Variants in GRIA2 observed in about 807,000 individuals in gnomAD.
The protein encoded by GRIA2 is glutamate ionotropic receptor AMPA type subunit 2, also known as glutamate receptor 2.
In GRIA2, 14 loss-of-function variants were observed where a neutral mutation model predicts 97.3. The ratio of observed to expected loss-of-function variants is 0.14; its 90% confidence interval spans 0.10 to 0.23. GRIA2 has a LOEUF of 0.23. Ranked by LOEUF, GRIA2 falls within the 10% of genes least tolerant of loss-of-function variation. The pLI is 1.00. For missense variants in GRIA2, 558 were observed against 1,069.8 expected, an observed-to-expected ratio of 0.52 and a Z score of 6.67; for synonymous variants, 412 against 387.8, an observed-to-expected ratio of 1.06 and a Z score of -0.73.
Position 157,312,689 on chromosome 4 carries a change from A to G in GRIA2, c.480A>G (p.Thr160=), listed in dbSNP as rs758377860. 6.3e-7 allele frequency: 1 copy of G among 1,596,912 alleles called. No homozygotes were observed. Among genetic ancestry groups the G allele is most frequent in the Non-Finnish European group, 8.5e-7 (1 of 1,170,050 alleles). Residue 160 remains threonine, a synonymous_variant, in exon 4 of 16, where the codon ACA becomes ACG. Transcript: ENST00000264426. ...TCTTTGCCTTCCTAGGCTTATCAAC[A>G]CTGCAAGCTGTGCTGGATTCTGCTG... The part of the protein sequence containing the change: ...YLYDSDRGLS[T]LQAVLDSAAE...
chr4:157,342,368 T>C, intron 12 of GRIA2: 1 of 985,176 alleles, frequency 1.0e-6, no homozygotes, highest in Non-Finnish European at 1.2e-6. Context: ...CAGCTGAAGA[T>C]ACTATGGGAG....
chr4:157,271,051 T>G (rs1000730217), intron 2 of GRIA2, among the ~76,000 whole-genome samples: 1 of 151,978 alleles, frequency 6.6e-6, no homozygotes, highest in Non-Finnish European at 1.5e-5. Context: ...ACTAACCATA[T>G]TAGAATATAG....
chr4:157,223,757 A>T (rs1400083282), intron 2 of GRIA2, among the ~76,000 whole-genome samples: 2 of 152,206 alleles, frequency 1.3e-5, no homozygotes, highest in Non-Finnish European at 2.9e-5. Flanking sequence ...TACTTTTTGA[A>T]AACAGTCAAT....
Position 157,365,953 on chromosome 4 carries a change from T to G in GRIA2, c.*2522T>G, listed in dbSNP as rs185755042. On this transcript the variant is annotated 3_prime_UTR_variant, in exon 16 of 16. Transcript: ENST00000264426. ...TATTGAAGATATTGGAATTTCCAAT[T>G]TTTCATGTGTACTATGTCAGAAAAT... 2.0e-5 allele frequency: 3 copies of G among 151,736 alleles called. No homozygotes were observed. Among genetic ancestry groups the G allele is most frequent in the African/African-American group, 7.2e-5 (3 of 41,498 alleles). 9.4% of individuals were successfully genotyped at this position (151,736 alleles called of 1,614,324 possible).
chr4:157,361,483 A>G lies in GRIA2; in HGVS notation c.2406+359A>G, dbSNP rs1046940002. ...AAAGCTCTTGAATCAGTATTATGTAATGAATAACATAAAATAACATTGATA... is the reference window on the plus strand; with the variant it reads ...AAAGCTCTTGAATCAGTATTATGTAGTGAATAACATAAAATAACATTGATA... On this transcript the variant is annotated intron_variant, in intron 14 of 15. Transcript: ENST00000264426. This position sits in a 1 kb window ranked among gnomAD's most constrained non-coding sequence, Gnocchi z 5.2. 1 of 1,270,060 alleles carries G rather than the reference A, an allele frequency of 7.9e-7. No homozygotes were observed. Among genetic ancestry groups the G allele is most frequent in the Non-Finnish European group, 1.1e-6 (1 of 873,062 alleles). The allele number at this position is 1,270,060 out of a possible 1,614,324, so 78.7% of individuals were successfully genotyped here.
intron 12 of GRIA2, chr4:157,342,497 A>G (rs1174853751): frequency 1.0e-6 from 1 of 974,618 alleles, no homozygotes; most frequent in Non-Finnish European, 1.2e-6. Context: ...AAGTGCAAAA[A>G]TGTGGACCAT....
intron 2 of GRIA2, among the ~76,000 whole-genome samples, chr4:157,269,617 T>C (rs1284187167): frequency 6.6e-6 from 1 of 152,046 alleles, no homozygotes; most frequent in African/African-American, 2.4e-5. Context: ...ACATGAGCTT[T>C]CAACTGATAT....
At chr4:157,245,531 C>T (rs1282788650) in intron 2 of GRIA2, among the ~76,000 whole-genome samples, 2 of 151,812 alleles carry the variant, frequency 1.3e-5, no homozygotes, top group East Asian at 3.9e-4. Context: ...AATCTAATAA[C>T]TTTGGAAAAA....
intron 2 of GRIA2, among the ~76,000 whole-genome samples, chr4:157,223,463 T>G (rs1729599354): frequency 6.6e-6 from 1 of 152,166 alleles, no homozygotes; most frequent in African/African-American, 2.4e-5. Flanking sequence ...ATAGAATATC[T>G]CAGAAAATTT....
intron 2 of GRIA2, 123 bp from the exon 3 acceptor site, chr4:157,303,429 C>A (rs1176404991): frequency 4.0e-6 from 3 of 746,302 alleles, no homozygotes; most frequent in Non-Finnish European, 6.6e-6. Flanking sequence ...ATCATTAAAT[C>A]TATATTTCTT....
At chr4:157,360,813 T>G in intron 13 of GRIA2, 197 bp from the exon 14 acceptor site, 1 of 652,848 alleles carries the variant, frequency 1.5e-6, no homozygotes, top group East Asian at 3.0e-5. Flanking sequence ...ATTTTCTTTT[T>G]GTTATGCTCT....
chr4:157,261,135 G>A (rs546719600), intron 2 of GRIA2, among the ~76,000 whole-genome samples: 16 of 152,174 alleles, frequency 1.1e-4, no homozygotes, highest in Middle Eastern at 3.4e-3. Flanking sequence ...GGCTGGGGAG[G>A]CCTCACAATC....
At chr4:157,331,343 A>C (rs945472152) in intron 6 of GRIA2, among the ~76,000 whole-genome samples, 1 of 151,946 alleles carries the variant, frequency 6.6e-6, no homozygotes, top group Non-Finnish European at 1.5e-5. Flanking sequence ...AGACGGCTTT[A>C]TAGCTTTCCC....
chr4:157,266,592 G>T (rs1300868332), intron 2 of GRIA2, among the ~76,000 whole-genome samples: 1 of 152,024 alleles, frequency 6.6e-6, no homozygotes, highest in Non-Finnish European at 1.5e-5. Flanking sequence ...AGTGAATTTG[G>T]TAGGCCTGTT....
intron 12 of GRIA2, among the ~76,000 whole-genome samples, chr4:157,352,332 T>C (rs1736044796): frequency 6.6e-6 from 1 of 152,202 alleles, no homozygotes; most frequent in Admixed American, 6.5e-5. Context: ...TTTTGAATCT[T>C]GATTCTATAA....
chr4:157,286,122 C>T (rs1211671202), intron 2 of GRIA2, among the ~76,000 whole-genome samples: 1 of 151,418 alleles, frequency 6.6e-6, no homozygotes, highest in African/African-American at 2.4e-5. Context: ...TTAATCCATG[C>T]AGATAATATA....
chr4:157,362,935 T>C lies in GRIA2; in HGVS notation c.2543T>C (p.Val848Ala), dbSNP rs569982577. ...KSRAEAKRMK[V>A]AKNAQNINPS... ...AGGGCCGAGGCGAAACGAATGAAGG[T>C]GGCAAAGAATGCACAGAATATTAAC... The change falls in exon 15 of 16, where the codon GTG becomes GCG. Residue 848 changes from valine (V) to alanine (A), a missense_variant. Around this residue, in one of 8 missense-constraint regions of GRIA2, gnomAD observed 54 missense variants for 82.1 expected, o/e 0.66. Coordinates refer to ENST00000264426, the MANE Select transcript of GRIA2 (RefSeq NM_001083619.3). The C allele has an allele frequency of 5.5e-5, 88 of 1,613,498 alleles. No homozygotes were observed. The highest frequency in any genetic ancestry group is 1.8e-4 in the Admixed American group (11 of 59,946).
intron 3 of GRIA2, 35 bp from the exon 4 acceptor site, chr4:157,312,644 T>C (rs1397057667): frequency 3.3e-6 from 4 of 1,211,540 alleles, no homozygotes; most frequent in Non-Finnish European, 4.7e-6. Context: ...TATTCACGTA[T>C]CTTTATCAGT....
chr4:157,276,605 A>AT (rs1187103369), intron 2 of GRIA2, among the ~76,000 whole-genome samples: 1 of 151,842 alleles, frequency 6.6e-6, no homozygotes, highest in African/African-American at 2.4e-5. Flanking sequence ...TGTTTTTTTA[A>AT]TTTTTTAAAG....
Sources: gnomAD v4.1 joint callset for allele counts (sites outside exome capture counted in the v4.1 genomes callset) on GRCh38, gnomAD v4.1.1 for gene constraint, gnomAD v4.1.1 regional missense constraint, Gnocchi (gnomAD v3.1) non-coding constraint, MANE v1.5 for transcripts, NCBI Gene and HGNC (gene_info 2026-07-23, HGNC 2026-07-21) for gene names.